The following THEM4 variants were observed in gnomAD, a reference collection of about 807,000 sequenced individuals.
THEM4 encodes the protein thioesterase superfamily member 4, also known as acyl-coenzyme A thioesterase THEM4.
THEM4 carries 22 observed loss-of-function variants against 25.0 expected under a neutral mutation model. The observed-to-expected ratio is 0.88, with a 90% CI of 0.63 to 1.26. THEM4 has a LOEUF of 1.26. Ranked by LOEUF, THEM4 falls within the 50% of genes most tolerant of loss-of-function variation. The pLI, the probability that THEM4 is intolerant of heterozygous loss-of-function variation, is 0.00. For missense variants in THEM4, 286 were observed against 300.3 expected, an observed-to-expected ratio of 0.95 and a Z score of 0.35; for synonymous variants, 113 against 105.6, an observed-to-expected ratio of 1.07 and a Z score of -0.43.
In THEM4 at chr1:151,895,682, G is replaced by GAAA. The variant is rs34981561; in HGVS notation, c.100-491_100-489dup. Among the ~76,000 whole-genome samples, 567 of 142,872 alleles carry GAAA rather than the reference G, an allele frequency of 4.0e-3. 2 individuals are homozygous for GAAA. The highest frequency in any genetic ancestry group is 0.015 in the Middle Eastern group (4 of 274). 93.7% of individuals were successfully genotyped at this position (142,872 alleles called of 152,430 possible). A position where few individuals can be genotyped will look rare whatever the true frequency, so the allele number is the denominator to read the frequency against. On this transcript the variant is annotated intron_variant, in intron 1 of 5. Transcript: ENST00000368814. ...TAGCCAGCTGGAAAAAGTATTACAG[G>GAAA]AAAAAAAAAAAAAACACTGGAATAT...
intron 4 of THEM4, among the ~76,000 whole-genome samples, chr1:151,879,644 TCTTTC>T (rs1653766243): frequency 3.3e-5 from 5 of 151,462 alleles, no homozygotes; most frequent in Admixed American, 3.3e-4. Context: ...CCATTTTCTT[TCTTTC>T]TTTTCTTTTC....
rs564411534 is a variant in THEM4, at chr1:151,898,820, C to A, written c.100-3626G>T. Among the ~76,000 whole-genome samples the A allele has an allele frequency of 2.0e-5, 3 of 152,320 alleles. No individual in the cohort carries two copies. The South Asian group carries it at 6.2e-4, about 32-fold the overall frequency. ...TGGGCAGACTCACTGGGTGGCTAGA[C>A]CCAGAAGAGAGAAAACAATCACTGT... is the stretch of plus-strand genomic sequence containing the variant. On this transcript the variant is annotated intron_variant, in intron 1 of 5. Transcript: ENST00000368814.
At chr1:151,883,795 C>T (rs1653899885) in intron 4 of THEM4, among the ~76,000 whole-genome samples, 1 of 151,932 alleles carries the variant, frequency 6.6e-6, no homozygotes, top group Non-Finnish European at 1.5e-5. Flanking sequence ...GGAACAAGCA[C>T]TGGGCACGAT....
At chr1:151,897,452 C>T (rs1162649373) in intron 1 of THEM4, among the ~76,000 whole-genome samples, 1 of 152,150 alleles carries the variant, frequency 6.6e-6, no homozygotes, top group African/African-American at 2.4e-5. Flanking sequence ...TGCTTCCTGC[C>T]CTCGAACATC....
chr1:151,878,713 T>C (rs1653740755), intron 4 of THEM4, among the ~76,000 whole-genome samples: 1 of 152,232 alleles, frequency 6.6e-6, no homozygotes, highest in Non-Finnish European at 1.5e-5. Flanking sequence ...TTTCTAAATG[T>C]AACTAATATT....
rs750768206 is a variant in THEM4, at chr1:151,889,343, G to C, written c.317C>G (p.Ser106Ter). 1.9e-6 allele frequency: 3 copies of C among 1,613,840 alleles called. No homozygotes were observed. The African/African-American group carries it at 4.0e-5, about 22-fold the overall frequency. The change falls in exon 3 of 6, where the codon TCA (serine) becomes TGA (stop). Residue 106 changes from serine to a stop codon, truncating the protein, a stop_gained. Coordinates refer to ENST00000368814, the MANE Select transcript of THEM4 (RefSeq NM_053055.5). LOFTEE classifies it high-confidence loss of function. ...DPKLMKEEQM[S>*]QAQLFTRSFD... The stretch of plus-strand genomic sequence containing the variant: ...GCTTCTGGTGAAGAGCTGGGCCTGT[G>C]ACATTTGTTCTTCTTTCATAAGCTT...
intron 5 of THEM4, among the ~76,000 whole-genome samples, chr1:151,876,287 A>G (rs1653668534): frequency 6.6e-6 from 1 of 152,194 alleles, no homozygotes; most frequent in South Asian, 2.1e-4. Flanking sequence ...ATGGATAGCT[A>G]TGTTTGCTAC....
chr1:151,907,155 C>T (rs1385746215), intron 1 of THEM4, among the ~76,000 whole-genome samples: 1 of 152,100 alleles, frequency 6.6e-6, no homozygotes. Context: ...ACGAACAACT[C>T]CAGACGTGCT....
rs900926233 is a variant in THEM4, at chr1:151,873,031, A to G, written c.*1857T>C. Reference sequence around the variant, plus strand: ...CCCTGGGAACAGCATGTCTTGGTGTAAAACCCGATCCTATGTTCGTTCCAT... The same window carrying G: ...CCCTGGGAACAGCATGTCTTGGTGTGAAACCCGATCCTATGTTCGTTCCAT... On this transcript the variant is annotated 3_prime_UTR_variant, in exon 6 of 6. Transcript: ENST00000368814. Among the ~76,000 whole-genome samples, 5 of 152,180 alleles carry G rather than the reference A, an allele frequency of 3.3e-5. No homozygotes were observed. Among genetic ancestry groups the G allele is most frequent in the African/African-American group, 1.2e-4 (5 of 41,432 alleles).
intron 1 of THEM4, among the ~76,000 whole-genome samples, chr1:151,896,033 T>C (rs1345719160): frequency 2.0e-5 from 3 of 148,336 alleles, no homozygotes; most frequent in African/African-American, 7.4e-5. Flanking sequence ...CACTCTGTTG[T>C]CCAGGCTGGA....
In THEM4 at chr1:151,874,938, C is replaced by A. The variant is rs765878385; in HGVS notation, c.683-10G>T. ...AGCTTTATAAATAAGCCTAAACAAACAAAATAACAGCAGATGATTATATGT... is the reference window on the plus strand; with the variant it reads ...AGCTTTATAAATAAGCCTAAACAAAAAAAATAACAGCAGATGATTATATGT... On this transcript the variant is annotated splice_polypyrimidine_tract_variant and intron_variant, in intron 5 of 5. Coordinates refer to ENST00000368814, the MANE Select transcript of THEM4 (RefSeq NM_053055.5). The A allele has an allele frequency of 2.5e-6, 4 of 1,609,996 alleles. No homozygotes were observed. The highest frequency in any genetic ancestry group is 2.2e-5 in the South Asian group (2 of 90,976).
intron 1 of THEM4, 105 bp from the exon 2 acceptor site, chr1:151,895,299 T>G: frequency 9.9e-7 from 1 of 1,006,520 alleles, no homozygotes; most frequent in Middle Eastern, 2.2e-4. Context: ...CTTCTCCCCA[T>G]AAGCTTGTCA....
intron 1 of THEM4, among the ~76,000 whole-genome samples, chr1:151,900,733 T>C (rs1383579892): frequency 1.3e-5 from 2 of 152,024 alleles, no homozygotes; most frequent in African/African-American, 4.8e-5. Context: ...AAAATAATAG[T>C]GGGGGACTTC....
In THEM4 at chr1:151,870,979, A is replaced by G. The variant is rs1653538161; in HGVS notation, c.*3909T>C. Among the ~76,000 whole-genome samples, 1 of 152,210 alleles carries G rather than the reference A, an allele frequency of 6.6e-6. No individual in the cohort carries two copies. Among genetic ancestry groups the G allele is most frequent in the East Asian group, 1.9e-4 (1 of 5,198 alleles). On this transcript the variant is annotated 3_prime_UTR_variant, in exon 6 of 6. Transcript: ENST00000368814. ...ACTGATAGTTTAAAGATATTTTAGC[A>G]CTAACCAGCATCAATTCCTAATATT...
At chr1:151,895,273 T>C (rs1654199776) in intron 1 of THEM4, 79 bp from the exon 2 acceptor site, 1 of 1,233,768 alleles carries the variant, frequency 8.1e-7, no homozygotes, top group South Asian at 1.4e-5. Flanking sequence ...ATTTCTAAGA[T>C]TATCTTGCTG....
At chr1:151,902,848 C>T (rs190007739) in intron 1 of THEM4, among the ~76,000 whole-genome samples, 15 of 151,938 alleles carry the variant, frequency 9.9e-5, no homozygotes, top group East Asian at 7.8e-4. Context: ...ATTAGCCATG[C>T]GAGATGGTGT....
At chr1:151,888,893 A>G (rs143039158) in intron 3 of THEM4, among the ~76,000 whole-genome samples, 7 of 184 alleles carry the variant, frequency 0.038, no homozygotes, top group South Asian at 0.25. Flanking sequence ...ATGAAAAAAA[A>G]GAAAAAAATT....
At chr1:151,891,345 G>A (rs780363767) in intron 2 of THEM4, 3 of 152,214 alleles carry the variant, frequency 2.0e-5, no homozygotes, top group Non-Finnish European at 4.4e-5. Flanking sequence ...AATGGAGACA[G>A]GAGATGAAAC....
At chr1:151,894,570 ATG>A (rs1478781437) in intron 2 of THEM4, among the ~76,000 whole-genome samples, 2 of 152,174 alleles carry the variant, frequency 1.3e-5, no homozygotes, top group Non-Finnish European at 2.9e-5. Flanking sequence ...AGGAATTGCT[ATG>A]TGTGTGTTTT....
Sources: gnomAD v4.1 joint callset for allele counts (sites outside exome capture counted in the v4.1 genomes callset) on GRCh38, gnomAD v4.1.1 for gene constraint, MANE v1.5 for transcripts, NCBI Gene and HGNC (gene_info 2026-07-23, HGNC 2026-07-21) for gene names.